The following SEZ6L2 variants were observed in gnomAD, a reference collection of about 807,000 sequenced individuals.
The protein encoded by SEZ6L2 is seizure related 6 homolog like 2.
In SEZ6L2, 44 loss-of-function variants were observed where a neutral mutation model predicts 97.0. The ratio of observed to expected loss-of-function variants is 0.45; its 90% CI spans 0.36 to 0.58. The LOEUF is 0.58. Among genes scored for constraint, SEZ6L2 ranks in the 20% least tolerant of loss-of-function variants. SEZ6L2 has a pLI of 0.00. For synonymous variants in SEZ6L2, 543 were observed against 546.1 expected (o/e 0.99, Z 0.08); for missense variants, 1,086 against 1,233.3 (o/e 0.88, Z 1.79).
rs982172367 is a variant in SEZ6L2, at chr16:29,876,702, C to CG, written c.2104+53dup. 3 of 1,456,268 alleles carry CG rather than the reference C, an allele frequency of 2.1e-6. No individual in the cohort carries two copies. The African/African-American group carries it at 4.4e-5, about 21-fold the overall frequency. The allele number at this position is 1,456,268 out of a possible 1,614,324, so 90.2% of individuals were successfully genotyped here. ...GGGTCGGGACAGGACAGGCCGACGA[C>CG]GGGGCCCACAGGGAAGGGGCGGGGC... On this transcript the variant is annotated intron_variant, in intron 12 of 17. Transcript: ENST00000617533. This position sits in a 1 kb window ranked among gnomAD's most constrained non-coding sequence, Gnocchi z 6.5.
intron 12 of SEZ6L2, among the ~76,000 whole-genome samples, chr16:29,874,567 T>TG: frequency 1.0e-5 from 1 of 100,070 alleles, no homozygotes; most frequent in Non-Finnish European, 2.1e-5. Flanking sequence ...TTTTTTTTTT[T>TG]TTTTTTTTTT....
In SEZ6L2 at chr16:29,876,828, G is replaced by A; in HGVS notation, c.2032C>T (p.Leu678=). 1 of 1,610,366 alleles carries A rather than the reference G, an allele frequency of 6.2e-7. No individual in the cohort carries two copies. Among genetic ancestry groups the A allele is most frequent in the Non-Finnish European group, 8.5e-7 (1 of 1,178,434 alleles). Residue 678 remains leucine, a synonymous_variant, in exon 12 of 18, where the codon CTG becomes TTG. Transcript: ENST00000617533. This position sits in a 1 kb window ranked among gnomAD's most constrained non-coding sequence, Gnocchi z 6.5. Reference sequence around the variant, plus strand: ...CAAGTGAGAATGTCGGAGCCTAGCAGCTCGTAGCCAGGCTCGCACTGGTAG... The same window carrying A: ...CAAGTGAGAATGTCGGAGCCTAGCAACTCGTAGCCAGGCTCGCACTGGTAG... ...LTYQCEPGYE[L]LGSDILTCQW... is the part of the protein sequence containing the mutation.
At chr16:29,888,375 G>A (rs532461409) in intron 6 of SEZ6L2, among the ~76,000 whole-genome samples, 165 bp downstream of exon 6, 65 of 152,174 alleles carry the variant, frequency 4.3e-4, no homozygotes, top group Non-Finnish European at 7.1e-4. Flanking sequence ...GAGACCCTCC[G>A]CACAAAGAGC....
At chr16:29,872,120 T>A in intron 17 of SEZ6L2, 67 bp downstream of exon 17, 1 of 1,286,434 alleles carries the variant, frequency 7.8e-7, no homozygotes. Context: ...CCAGAGACCT[T>A]GCGAGAAGGT....
At chr16:29,887,325 G>C (rs2068164656) in intron 7 of SEZ6L2, among the ~76,000 whole-genome samples, 4 of 149,476 alleles carry the variant, frequency 2.7e-5, no homozygotes, top group African/African-American at 9.9e-5. Flanking sequence ...TTTTGAGACG[G>C]AGTCTCATTC....
intron 8 of SEZ6L2, among the ~76,000 whole-genome samples, chr16:29,882,672 T>C (rs999489780): frequency 1.3e-5 from 2 of 151,726 alleles, no homozygotes; most frequent in African/African-American, 2.4e-5. Context: ...ACAGCAGCCT[T>C]GACCTCCTGA....
At chr16:29,878,990 C>T (rs768155801) in intron 9 of SEZ6L2, among the ~76,000 whole-genome samples, 26 of 151,948 alleles carry the variant, frequency 1.7e-4, no homozygotes, top group Non-Finnish European at 3.7e-4. Context: ...GCAATCTCCA[C>T]CTCGCAGACT....
chr16:29,897,973 T>C lies in SEZ6L2; in HGVS notation c.91A>G (p.Lys31Glu), dbSNP rs1596996741. The C allele has an allele frequency of 3.1e-6, 5 of 1,613,432 alleles. No homozygotes were observed. The East Asian group carries it at 8.9e-5, about 29-fold the overall frequency. ...GGCTCTGGCAATATCTCCTCCTCCTTCAGGGGCAGACCTAGGAGGTGAAGT... is the reference window on the plus strand; with the variant it reads ...GGCTCTGGCAATATCTCCTCCTCCTCCAGGGGCAGACCTAGGAGGTGAAGT... Reference protein sequence around the residue: ...SCPWIQGLPLKEEEILPEPGS... With the variant: ...SCPWIQGLPLEEEEILPEPGS... The change falls in exon 2 of 18, where the codon AAG becomes GAG. Residue 31 changes from lysine to glutamate, a missense_variant. By Grantham distance (56) the Lys-to-Glu change is moderately conservative. This residue lies in a region of SEZ6L2 where 776 missense variants were observed against 794.7 expected (regional missense o/e 0.98). Coordinates refer to ENST00000617533, the MANE Select transcript of SEZ6L2 (RefSeq NM_001243332.2).
intron 5 of SEZ6L2, among the ~76,000 whole-genome samples, chr16:29,893,638 A>C (rs1596989565): frequency 1.4e-5 from 2 of 143,202 alleles, no homozygotes; most frequent in African/African-American, 5.2e-5. Flanking sequence ...ACAAAGTGAG[A>C]CTCTGTCTCA....
At chr16:29,895,201 A>AT in intron 5 of SEZ6L2, 58 bp downstream of exon 5, 1 of 767,230 alleles carries the variant, frequency 1.3e-6, no homozygotes, top group Non-Finnish European at 2.1e-6. Flanking sequence ...AAAAAAAAAG[A>AT]TGTCCAGTGT....
intron 11 of SEZ6L2, 69 bp downstream of exon 11, chr16:29,877,202 G>T: frequency 2.8e-6 from 4 of 1,445,660 alleles, no homozygotes; most frequent in South Asian, 1.4e-5. Context: ...GAGCCACCAC[G>T]ACCGGCCACC....
rs2067775052 is a variant in SEZ6L2, at chr16:29,871,333, A to AG, written c.*365dup. 3 of 349,702 alleles carry AG rather than the reference A, an allele frequency of 8.6e-6. No individual in the cohort carries two copies. Among genetic ancestry groups the AG allele is most frequent in the Admixed American group, 3.7e-5 (1 of 26,990 alleles). 21.7% of individuals were successfully genotyped at this position (349,702 alleles called of 1,614,324 possible). A position where few individuals can be genotyped will look rare whatever the true frequency, so the allele number is the denominator to read the frequency against. ...CAGGCCTAGGGCCAGGGCATCTGGG[A>AG]GGGGGGCACCTTCGTGGCCAAGGGA... is the stretch of plus-strand genomic sequence containing the variant. On this transcript the variant is annotated 3_prime_UTR_variant, in exon 18 of 18. Coordinates refer to ENST00000617533, the MANE Select transcript of SEZ6L2 (RefSeq NM_001243332.2).
chr16:29,878,452 G>T (rs750983786), intron 9 of SEZ6L2, 27 bp from the exon 10 acceptor site: 1 of 1,565,822 alleles, frequency 6.4e-7, no homozygotes, highest in Non-Finnish European at 8.7e-7. Flanking sequence ...GTCAGGTTCA[G>T]GACCCAGGTG....
Position 29,887,689 on chromosome 16 carries a change from G to T in SEZ6L2, c.1168C>A (p.Leu390Met), listed in dbSNP as rs941802953. 1 of 1,606,528 alleles carries T rather than the reference G, an allele frequency of 6.2e-7. No individual in the cohort carries two copies. Among genetic ancestry groups the T allele is most frequent in the African/African-American group, 1.3e-5 (1 of 74,714 alleles). Reference protein sequence around the residue: ...IEAAEGRRLHLHFERVSLDED... With the variant: ...IEAAEGRRLHMHFERVSLDED... ...TCCAGCGAGACCCTTTCAAAGTGCA[G>T]GTGCAGCCGGCGCCCCTCAGCTGCT... Residue 390 changes from leucine to methionine, a missense_variant, in exon 7 of 18, where the codon CTG becomes ATG. Around this residue, in one of 2 missense-constraint regions of SEZ6L2, gnomAD observed 776 missense variants for 794.7 expected, o/e 0.98. Transcript: ENST00000617533.
At chr16:29,898,463 C>G (rs2068456456) in intron 1 of SEZ6L2, among the ~76,000 whole-genome samples, 1 of 152,216 alleles carries the variant, frequency 6.6e-6, no homozygotes, top group Non-Finnish European at 1.5e-5. Context: ...CACCCTCTCT[C>G]TCTCTGGTCC....
chr16:29,880,028 G>T lies in SEZ6L2; in HGVS notation c.1409C>A (p.Ala470Glu), dbSNP rs1410683872. 1 of 1,614,094 alleles carries T rather than the reference G, an allele frequency of 6.2e-7. No individual in the cohort carries two copies. Among genetic ancestry groups the T allele is most frequent in the Non-Finnish European group, 8.5e-7 (1 of 1,180,030 alleles). ...EEDRCFAPFL[A>E]HGNVTTTDPE... ...GTCCGTGGTAGTGACATTTCCATGT[G>T]CCAGGAAGGGGGCGAAGCAGCGATC... Residue 470 changes from alanine (A) to glutamate (E), a missense_variant, in exon 9 of 18, where the codon GCA becomes GAA. Physicochemically the swap from Ala to Glu is moderately radical, Grantham distance 107. This residue lies in a region of SEZ6L2 where 776 missense variants were observed against 794.7 expected (regional missense o/e 0.98). Coordinates refer to ENST00000617533, the MANE Select transcript of SEZ6L2 (RefSeq NM_001243332.2).
chr16:29,872,858 C>T (rs1200682788), intron 14 of SEZ6L2, 115 bp from the exon 15 acceptor site: 1 of 793,760 alleles, frequency 1.3e-6, no homozygotes, highest in Non-Finnish European at 2.0e-6. Context: ...CTGCCCTCTG[C>T]TCAACCTCAA....
At chr16:29,879,733 C>G in intron 9 of SEZ6L2, 131 bp downstream of exon 9, 1 of 814,254 alleles carries the variant, frequency 1.2e-6, no homozygotes, top group Non-Finnish European at 1.9e-6. Context: ...TCTGAAGGGA[C>G]AGGGATTTAC....
At chr16:29,891,414 G>T (rs1451110430) in intron 5 of SEZ6L2, among the ~76,000 whole-genome samples, 1 of 151,884 alleles carries the variant, frequency 6.6e-6, no homozygotes, top group Non-Finnish European at 1.5e-5. Context: ...GTCCTAAAAG[G>T]CTAGTCTATG....
Sources: gnomAD v4.1 joint callset for allele counts (sites outside exome capture counted in the v4.1 genomes callset) on GRCh38, gnomAD v4.1.1 for gene constraint, gnomAD v4.1.1 regional missense constraint, Gnocchi (gnomAD v3.1) non-coding constraint, MANE v1.5 for transcripts, NCBI Gene and HGNC (gene_info 2026-07-23, HGNC 2026-07-21) for gene names.